PRKCB: variants seen among roughly 807,000 people sequenced by gnomAD.
PRKCB encodes protein kinase C beta.
In PRKCB, 13 loss-of-function variants were observed where a neutral mutation model predicts 81.5. That is an observed-to-expected ratio of 0.16 (90% CI 0.10 to 0.25). The LOEUF is 0.25. Among genes scored for constraint, PRKCB ranks in the 10% least tolerant of loss-of-function variants. The pLI, the probability that PRKCB is intolerant of heterozygous loss-of-function variation, is 1.00. For missense variants in PRKCB, 509 were observed against 875.7 expected (o/e 0.58, Z 5.29); for synonymous variants, 335 against 321.4 (o/e 1.04, Z -0.45).
intron 9 of PRKCB, among the ~76,000 whole-genome samples, chr16:24,142,957 G>T (rs184464714): frequency 6.6e-6 from 1 of 152,044 alleles, no homozygotes; most frequent in African/African-American, 2.4e-5. Flanking sequence ...GCTAGGGGTC[G>T]TGTGGTCCCC....
intron 5 of PRKCB, among the ~76,000 whole-genome samples, chr16:24,088,846 A>C (rs1021425355): frequency 2.6e-5 from 4 of 152,178 alleles, no homozygotes; most frequent in Admixed American, 2.0e-4. Flanking sequence ...ATGATAGAAG[A>C]TCTTTTTCCA....
At chr16:24,072,070 G>A (rs1480376731) in intron 5 of PRKCB, among the ~76,000 whole-genome samples, 1 of 151,396 alleles carries the variant, frequency 6.6e-6, no homozygotes, top group Non-Finnish European at 1.5e-5. Context: ...ATTTGCTGAG[G>A]TGAAATTCAC....
At chr16:24,195,365 A>G (rs551291081) in intron 16 of PRKCB, among the ~76,000 whole-genome samples, 8 of 152,292 alleles carry the variant, frequency 5.3e-5, no homozygotes, top group Non-Finnish European at 8.8e-5. Context: ...CAAAAGGCCC[A>G]TGGTGAGCGT....
chr16:24,110,300 C>G (rs1295087492), intron 7 of PRKCB, among the ~76,000 whole-genome samples: 1 of 151,794 alleles, frequency 6.6e-6, no homozygotes, highest in East Asian at 1.9e-4. Flanking sequence ...CAACCTCTGC[C>G]TCCCGGGTTC....
intron 7 of PRKCB, among the ~76,000 whole-genome samples, chr16:24,101,676 C>T (rs1567374623): frequency 2.0e-5 from 3 of 152,184 alleles, no homozygotes; most frequent in African/African-American, 2.4e-5. Context: ...TAGTTAGGTC[C>T]GATTTCTTAC....
chr16:24,217,899 T>C lies in PRKCB; in HGVS notation c.*3083T>C. The C allele has an allele frequency of 1.0e-6, 1 of 985,404 alleles. No homozygotes were observed. The highest frequency in any genetic ancestry group is 1.2e-6 in the Non-Finnish European group (1 of 829,922). The allele number at this position is 985,404 out of a possible 1,614,324, so 61.0% of individuals were successfully genotyped here. A position where few individuals can be genotyped will look rare whatever the true frequency, so the allele number is the denominator to read the frequency against. On this transcript the variant is annotated 3_prime_UTR_variant, in exon 17 of 17. Coordinates refer to ENST00000643927, the MANE Select transcript of PRKCB (RefSeq NM_002738.7). The stretch of plus-strand genomic sequence containing the variant: ...TCATACAGGGGTTCAAAAGGGACAG[T>C]GGCCCATTTGGGAGACCTTTAGGAT...
chr16:23,899,480 AC>A (rs1401317126), intron 2 of PRKCB, among the ~76,000 whole-genome samples: 1 of 152,224 alleles, frequency 6.6e-6, no homozygotes, highest in African/African-American at 2.4e-5. Flanking sequence ...ACCAGAGGAA[AC>A]AGAATGGTGG....
At chr16:24,108,947 C>T (rs1285816037) in intron 7 of PRKCB, among the ~76,000 whole-genome samples, 2 of 142,262 alleles carry the variant, frequency 1.4e-5, no homozygotes, top group Non-Finnish European at 3.0e-5. Flanking sequence ...AGGCGCCCCT[C>T]ACTTCCCGGA....
intron 2 of PRKCB, among the ~76,000 whole-genome samples, chr16:23,972,673 A>G (rs965833962): frequency 1.3e-5 from 2 of 152,154 alleles, no homozygotes; most frequent in Non-Finnish European, 2.9e-5. Flanking sequence ...TTGTATAACT[A>G]AAATGTATTG....
At chr16:23,857,430 G>A (rs372007544) in intron 2 of PRKCB, among the ~76,000 whole-genome samples, 6 of 152,200 alleles carry the variant, frequency 3.9e-5, no homozygotes, top group African/African-American at 1.2e-4. Flanking sequence ...ATGCCAGCAC[G>A]GAGGTGGGTC....
chr16:23,934,258 C>T (rs1331197434), intron 2 of PRKCB, among the ~76,000 whole-genome samples: 4 of 151,674 alleles, frequency 2.6e-5, no homozygotes, highest in Non-Finnish European at 5.9e-5. Context: ...GACACTTTGC[C>T]TTCTGCAGTG....
At chr16:23,887,590 T>A (rs1481393839) in intron 2 of PRKCB, among the ~76,000 whole-genome samples, 3 of 152,242 alleles carry the variant, frequency 2.0e-5, no homozygotes, top group Non-Finnish European at 4.4e-5. Context: ...CTTTATCCAA[T>A]CCATTGTTGA....
Position 24,191,326 on chromosome 16 carries a change from T to A in PRKCB, c.1863+96T>A. 2.2e-6 allele frequency: 3 copies of A among 1,366,944 alleles called. No individual in the cohort carries two copies. In the South Asian group the frequency reaches 3.9e-5, roughly 18 times the overall value. 84.7% of individuals were successfully genotyped at this position (1,366,944 alleles called of 1,614,324 possible). A position where few individuals can be genotyped will look rare whatever the true frequency, so the allele number is the denominator to read the frequency against. ...CCAAATGCTCCCTGAGGGGTAGACG[T>A]CAATGTGTCTACTGGAACATGGGTG... On this transcript the variant is annotated intron_variant, in intron 16 of 16. Transcript: ENST00000643927.
chr16:23,968,303 C>T (rs1964514026), intron 2 of PRKCB, among the ~76,000 whole-genome samples: 1 of 152,134 alleles, frequency 6.6e-6, no homozygotes, highest in Non-Finnish European at 1.5e-5. Flanking sequence ...CATGAAAGGA[C>T]TATTTAGGGA....
At chr16:23,860,102 C>A (rs956046980) in intron 2 of PRKCB, among the ~76,000 whole-genome samples, 1 of 151,968 alleles carries the variant, frequency 6.6e-6, no homozygotes, top group African/African-American at 2.4e-5. Context: ...ATCTCATGAC[C>A]CCAGGCAAAT....
At chr16:24,179,460 G>A (rs914343973) in intron 12 of PRKCB, among the ~76,000 whole-genome samples, 24 of 152,180 alleles carry the variant, frequency 1.6e-4, no homozygotes, top group African/African-American at 5.3e-4. Context: ...TCAGGAAATC[G>A]GATTTCCCCA....
chr16:23,985,167 C>T (rs1964788519), intron 2 of PRKCB, among the ~76,000 whole-genome samples: 1 of 152,164 alleles, frequency 6.6e-6, no homozygotes. Flanking sequence ...TATTGGCTCA[C>T]TTCAACCTCC....
At position 24,219,082 on chromosome 16, in the gene PRKCB, G is replaced by A. The variant is rs1024539180; in HGVS notation, c.*4266G>A. On this transcript the variant is annotated 3_prime_UTR_variant, in exon 17 of 17. Transcript: ENST00000643927. ...GGCTTGCAAGGACCCTGAAGAGGTC[G>A]GAGCATCATACAGATTCCTTTATTA... is the stretch of plus-strand genomic sequence containing the variant. 1.3e-5 allele frequency: 13 copies of A among 985,242 alleles called. No homozygotes were observed. In the East Asian group the frequency reaches 3.4e-4, roughly 26 times the overall value. The allele number at this position is 985,242 out of a possible 1,614,324, so 61.0% of individuals were successfully genotyped here.
At chr16:24,096,666 A>AAAAAAAATATATAT (rs1406204037) in intron 7 of PRKCB, among the ~76,000 whole-genome samples, 3 of 32,692 alleles carry the variant, frequency 9.2e-5, no homozygotes, top group Non-Finnish European at 1.2e-4. Flanking sequence ...AAAAAAAAAA[A>AAAAAAAATATATAT]ATATATATAT....
Sources: gnomAD v4.1 joint callset for allele counts (sites outside exome capture counted in the v4.1 genomes callset) on GRCh38, gnomAD v4.1.1 for gene constraint, MANE v1.5 for transcripts, NCBI Gene and HGNC (gene_info 2026-07-23, HGNC 2026-07-21) for gene names.